Variants in GRB2 observed in about 807,000 individuals in gnomAD.
GRB2 encodes the protein growth factor receptor-bound protein 2.
A neutral mutation model predicts 27.4 loss-of-function variants in GRB2; 2 were observed. The observed-to-expected ratio is 0.07, with a 90% confidence interval of 0.03 to 0.23. The LOEUF is 0.23. GRB2 is among the 10% of genes least tolerant of loss of function. The probability of loss-of-function intolerance (pLI) is 1.00; values close to 1 mark genes in which losing one functional copy is unlikely to be tolerated. For missense variants in GRB2, 102 were observed against 282.4 expected (o/e 0.36, Z 4.58); for synonymous variants, 94 against 99.6 (o/e 0.94, Z 0.33).
intron 2 of GRB2, among the ~76,000 whole-genome samples, chr17:75,383,778 G>A (rs1276281591): frequency 1.3e-5 from 2 of 152,078 alleles, no homozygotes; most frequent in African/African-American, 2.4e-5. Context: ...GGAGGCAGAG[G>A]TTGCAGTCAG....
chr17:75,357,062 TC>T (rs143772994), intron 2 of GRB2, among the ~76,000 whole-genome samples: 4,599 of 152,326 alleles, frequency 0.03, 108 homozygotes, highest in Non-Finnish European at 0.045. Context: ...CCTATCATTA[TC>T]TCTGCCTTGG....
intron 2 of GRB2, among the ~76,000 whole-genome samples, chr17:75,352,871 CTTG>C (rs1403964372): frequency 1.4e-5 from 2 of 145,266 alleles, no homozygotes; most frequent in African/African-American, 2.7e-5. Flanking sequence ...AAAAAGTTAA[CTTG>C]TTTTTTTTTT....
chr17:75,337,110 C>T (rs1160973111), intron 2 of GRB2, among the ~76,000 whole-genome samples: 2 of 152,156 alleles, frequency 1.3e-5, no homozygotes, highest in African/African-American at 2.4e-5. Context: ...CAGAATATCA[C>T]GTTATCAGAT....
chr17:75,347,103 C>G lies in GRB2; in HGVS notation c.79-14306G>C, dbSNP rs115671673. ...ACTCCTCCCCCTTCCTTCTCCCTGT[C>G]GTAGGCCTCATGGTGGTAACCTGAT... On this transcript the variant is annotated intron_variant, in intron 2 of 5. Transcript: ENST00000316804. Among the ~76,000 whole-genome samples the G allele has an allele frequency of 9.7e-3, 1,474 of 152,238 alleles. 28 individuals are homozygous for G. Among genetic ancestry groups the G allele is most frequent in the South Asian group, 0.048 (233 of 4,828 alleles).
chr17:75,351,792 A>T (rs540226748), intron 2 of GRB2, among the ~76,000 whole-genome samples: 89 of 152,368 alleles, frequency 5.8e-4, no homozygotes, highest in Non-Finnish European at 9.6e-4. Context: ...TTGTACAATT[A>T]AAAACAGCTA....
chr17:75,333,373 GCC>G (rs1282418375), intron 2 of GRB2, among the ~76,000 whole-genome samples: 1 of 152,160 alleles, frequency 6.6e-6, no homozygotes, highest in Non-Finnish European at 1.5e-5. Context: ...ACTGTGCCCG[GCC>G]AGTTTTTTTG....
intron 2 of GRB2, among the ~76,000 whole-genome samples, chr17:75,382,172 G>A (rs1041391545): frequency 6.6e-6 from 1 of 151,388 alleles, no homozygotes; most frequent in African/African-American, 2.4e-5. Flanking sequence ...GTGGTGAGCC[G>A]AGATCGCGCC....
chr17:75,360,488 G>A (rs2078772847), intron 2 of GRB2, among the ~76,000 whole-genome samples: 1 of 152,176 alleles, frequency 6.6e-6, no homozygotes. Context: ...TCTGATTTTA[G>A]AAGGCTTCCA....
At chr17:75,387,330 G>T (rs1343290539) in intron 2 of GRB2, among the ~76,000 whole-genome samples, 1 of 151,948 alleles carries the variant, frequency 6.6e-6, no homozygotes, top group Non-Finnish European at 1.5e-5. Flanking sequence ...GGTAGCACGT[G>T]CCTGTAGTCC....
At chr17:75,332,013 C>A (rs769323328) in intron 3 of GRB2, among the ~76,000 whole-genome samples, 1 of 152,122 alleles carries the variant, frequency 6.6e-6, no homozygotes, top group Non-Finnish European at 1.5e-5. Flanking sequence ...AGCCTCAGCT[C>A]CCCTGACACA....
chr17:75,398,788 C>T (rs1355466747), intron 1 of GRB2, among the ~76,000 whole-genome samples: 2 of 152,096 alleles, frequency 1.3e-5, no homozygotes, highest in African/African-American at 2.4e-5. Flanking sequence ...TGCTCTATCC[C>T]TCAGGCTGGA....
At chr17:75,367,806 T>C (rs2078829481) in intron 2 of GRB2, among the ~76,000 whole-genome samples, 1 of 152,230 alleles carries the variant, frequency 6.6e-6, no homozygotes, top group Non-Finnish European at 1.5e-5. Context: ...TGGAATCCTC[T>C]GGCTAAACAG....
chr17:75,343,221 T>C (rs2078633405), intron 2 of GRB2, among the ~76,000 whole-genome samples: 1 of 151,958 alleles, frequency 6.6e-6, no homozygotes, highest in Non-Finnish European at 1.5e-5. Flanking sequence ...CCTGGCAATG[T>C]GATGTCTAAT....
intron 2 of GRB2, among the ~76,000 whole-genome samples, chr17:75,351,539 A>G (rs879335818): frequency 8.5e-5 from 13 of 152,060 alleles, no homozygotes; most frequent in Admixed American, 2.6e-4. Context: ...CTGTAGTCCC[A>G]GCTACTCTGA....
At chr17:75,335,492 A>T (rs2078571016) in intron 2 of GRB2, among the ~76,000 whole-genome samples, 2 of 152,150 alleles carry the variant, frequency 1.3e-5, no homozygotes, top group African/African-American at 4.8e-5. Flanking sequence ...GATGCAATAG[A>T]AAGGGTAGAT....
intron 2 of GRB2, among the ~76,000 whole-genome samples, chr17:75,350,620 T>C (rs766954786): frequency 5.3e-5 from 8 of 152,154 alleles, no homozygotes; most frequent in African/African-American, 1.7e-4. Flanking sequence ...ACCTCCCAAA[T>C]AGCTGGAACT....
intron 2 of GRB2, among the ~76,000 whole-genome samples, chr17:75,369,611 T>A (rs566806660): frequency 6.7e-6 from 1 of 150,372 alleles, no homozygotes; most frequent in Non-Finnish European, 1.5e-5. Flanking sequence ...TCCCAGCACT[T>A]TGGGAGGCCG....
At chr17:75,393,258 C>T (rs1278805949) in intron 2 of GRB2, 1 of 471,256 alleles carries the variant, frequency 2.1e-6, no homozygotes, top group Non-Finnish European at 3.8e-6. Flanking sequence ...TCAATCTACT[C>T]ATATACTTCC....
chr17:75,376,517 T>C (rs1374429243), intron 2 of GRB2, among the ~76,000 whole-genome samples: 1 of 77,038 alleles, frequency 1.3e-5, no homozygotes, highest in Non-Finnish European at 4.2e-5. Flanking sequence ...GGAGACTCTG[T>C]TTCAAAAAAA....
Sources: allele counts gnomAD v4.1 joint callset (sites outside exome capture counted in the v4.1 genomes callset), GRCh38; gene constraint gnomAD v4.1.1; transcripts MANE v1.5; gene names NCBI Gene and HGNC (gene_info 2026-07-23, HGNC 2026-07-21).